Variants in SOX5 observed in about 807,000 individuals in gnomAD.
SOX5 encodes SRY-box transcription factor 5, also known as transcription factor SOX-5.
Under a neutral mutation model 92.0 loss-of-function variants are expected in SOX5, and 9 were observed. The ratio of observed to expected loss-of-function variants is 0.10; its 90% CI spans 0.06 to 0.17. SOX5 has a LOEUF of 0.17. Ranked by LOEUF, SOX5 falls within the 10% of genes least tolerant of loss-of-function variation. The pLI is 1.00. For synonymous variants in SOX5, 344 were observed against 336.3 expected (o/e 1.02, Z -0.25); for missense variants, 642 against 944.5 (o/e 0.68, Z 4.20).
At chr12:24,530,529 T>C (rs911596458) in intron 1 of SOX5, among the ~76,000 whole-genome samples, 1 of 152,110 alleles carries the variant, frequency 6.6e-6, no homozygotes, top group Non-Finnish European at 1.5e-5. Context: ...GGCGTGCACC[T>C]GTAGTCCCAG....
At chr12:24,455,349 T>C (rs1469281463) in intron 1 of SOX5, among the ~76,000 whole-genome samples, 3 of 152,196 alleles carry the variant, frequency 2.0e-5, no homozygotes, top group South Asian at 4.1e-4. Flanking sequence ...GTGGCTTGTA[T>C]AACTATTATT....
At chr12:24,098,576 C>G (rs1945707429) in intron 4 of SOX5, among the ~76,000 whole-genome samples, 1 of 152,150 alleles carries the variant, frequency 6.6e-6, no homozygotes, top group East Asian at 1.9e-4. Flanking sequence ...AATGTTATCA[C>G]TGTCTTGATA....
At chr12:23,802,229 A>G (rs1450281456) in intron 3 of SOX5, among the ~76,000 whole-genome samples, 2 of 151,464 alleles carry the variant, frequency 1.3e-5, no homozygotes, top group Non-Finnish European at 2.9e-5. Flanking sequence ...ACCCACCACC[A>G]TGTCCAGCTA....
chr12:24,480,023 T>C (rs952198124), intron 1 of SOX5, among the ~76,000 whole-genome samples: 1 of 152,194 alleles, frequency 6.6e-6, no homozygotes, highest in African/African-American at 2.4e-5. Flanking sequence ...GTATTAAGCA[T>C]AGGCAAATTT....
chr12:24,042,980 G>C (rs190597747), intron 4 of SOX5, among the ~76,000 whole-genome samples: 2 of 152,132 alleles, frequency 1.3e-5, no homozygotes, highest in Non-Finnish European at 2.9e-5. Flanking sequence ...GTTACATTCT[G>C]ACTATGAGTA....
intron 1 of SOX5, among the ~76,000 whole-genome samples, chr12:24,547,216 G>A (rs1039147332): frequency 2.4e-5 from 3 of 124,482 alleles, no homozygotes; most frequent in African/African-American, 6.2e-5. Context: ...ACGGAGTCTC[G>A]CTCTGTCGCC....
At chr12:23,623,481 T>G (rs959349897) in intron 8 of SOX5, among the ~76,000 whole-genome samples, 1 of 152,146 alleles carries the variant, frequency 6.6e-6, no homozygotes, top group Non-Finnish European at 1.5e-5. Context: ...TAGTGGTTAC[T>G]AAGACTCAAA....
chr12:23,916,247 A>G (rs923792465), intron 1 of SOX5, among the ~76,000 whole-genome samples: 4 of 152,200 alleles, frequency 2.6e-5, no homozygotes, highest in Non-Finnish European at 5.9e-5. Context: ...GAAATATTTT[A>G]TACTTCTAAT....
chr12:24,514,560 C>A (rs528079217), intron 1 of SOX5, among the ~76,000 whole-genome samples: 1 of 152,170 alleles, frequency 6.6e-6, no homozygotes, highest in Admixed American at 6.5e-5. Flanking sequence ...TGGGTATATA[C>A]CCAAAGCAGT....
intron 4 of SOX5, among the ~76,000 whole-genome samples, chr12:23,967,269 C>G (rs1284569239): frequency 3.9e-5 from 6 of 152,024 alleles, no homozygotes; most frequent in Admixed American, 3.9e-4. Flanking sequence ...AAAAATATCT[C>G]TGTTTAAAAT....
chr12:24,195,105 A>G (rs1325194399), intron 4 of SOX5, among the ~76,000 whole-genome samples: 1 of 150,540 alleles, frequency 6.6e-6, no homozygotes, highest in Non-Finnish European at 1.5e-5. Context: ...TAAAGCAATT[A>G]TCTACTAGTT....
chr12:23,724,107 T>C lies in SOX5; in HGVS notation c.810+10577A>G, dbSNP rs184015124. Among the ~76,000 whole-genome samples the C allele has an allele frequency of 2.8e-3, 419 of 152,336 alleles. 1 individual carries two copies. The highest frequency in any genetic ancestry group is 5.0e-3 in the Non-Finnish European group (337 of 68,026). ...ATAAATTACTTTTAAAAAAATATCCTGCCACATTTGCCAACCTGATAGATT... is the reference window on the plus strand; with the variant it reads ...ATAAATTACTTTTAAAAAAATATCCCGCCACATTTGCCAACCTGATAGATT... On this transcript the variant is annotated intron_variant, in intron 6 of 14. Transcript: ENST00000451604.
At chr12:24,008,574 C>A (rs11047206) in intron 4 of SOX5, among the ~76,000 whole-genome samples, 52,003 of 151,864 alleles carry the variant, frequency 0.34, 9,127 homozygotes, top group South Asian at 0.48. Flanking sequence ...ATTCCCTGAG[C>A]TTATTTCTTT....
chr12:23,957,730 C>T (rs1438424535), intron 4 of SOX5, among the ~76,000 whole-genome samples: 1 of 152,038 alleles, frequency 6.6e-6, no homozygotes. Flanking sequence ...GAAAATAATT[C>T]AGAAGGACTA....
At chr12:24,359,206 T>C (rs1421919884) in intron 2 of SOX5, among the ~76,000 whole-genome samples, 1 of 152,176 alleles carries the variant, frequency 6.6e-6, no homozygotes, top group Non-Finnish European at 1.5e-5. Flanking sequence ...ATGTGCAAAA[T>C]ACAAACTTAG....
intron 6 of SOX5, among the ~76,000 whole-genome samples, chr12:23,676,284 C>G (rs1396475704): frequency 6.6e-6 from 1 of 152,124 alleles, no homozygotes; most frequent in African/African-American, 2.4e-5. Flanking sequence ...CTGCAATAAT[C>G]ATTTCACTAC....
intron 6 of SOX5, among the ~76,000 whole-genome samples, chr12:23,697,240 C>T (rs1317878413): frequency 1.3e-5 from 2 of 152,114 alleles, no homozygotes; most frequent in African/African-American, 4.8e-5. Flanking sequence ...TAATTTGAAG[C>T]TCTACTATTA....
chr12:23,938,048 G>A (rs17400511), intron 1 of SOX5, among the ~76,000 whole-genome samples: 3,544 of 150,508 alleles, frequency 0.024, 68 homozygotes, highest in Admixed American at 0.074. Flanking sequence ...GCACTATGTC[G>A]ATCATTAGCA....
chr12:23,743,905 A>G (rs1421134103), intron 4 of SOX5, among the ~76,000 whole-genome samples: 1 of 152,222 alleles, frequency 6.6e-6, no homozygotes, highest in Non-Finnish European at 1.5e-5. Flanking sequence ...GAATTAACAA[A>G]TATCATTTTG....
Sources: gnomAD v4.1 joint callset for allele counts (sites outside exome capture counted in the v4.1 genomes callset) on GRCh38, gnomAD v4.1.1 for gene constraint, MANE v1.5 for transcripts, NCBI Gene and HGNC (gene_info 2026-07-23, HGNC 2026-07-21) for gene names.